Variants in CCDC3 observed in about 807,000 individuals in gnomAD.
CCDC3 encodes coiled-coil domain containing 3, also known as coiled-coil domain-containing protein 3.
A neutral mutation model predicts 21.4 loss-of-function variants in CCDC3; 24 were observed. The observed-to-expected ratio is 1.12, with a 90% CI of 0.81 to 1.58. The LOEUF (loss-of-function observed/expected upper bound fraction) is 1.58, where lower values mean the gene tolerates loss of function less well. Among genes scored for constraint, CCDC3 ranks in the 40% most tolerant of loss-of-function variants. The probability of loss-of-function intolerance (pLI) is 0.00; values close to 1 mark genes in which losing one functional copy is unlikely to be tolerated. For missense variants in CCDC3, 425 were observed against 360.9 expected, an observed-to-expected ratio of 1.18 and a Z score of -1.44; for synonymous variants, 186 against 166.0, an observed-to-expected ratio of 1.12 and a Z score of -0.93.
intron 4 of CCDC3, among the ~76,000 whole-genome samples, chr10:13,054,445 C>A (rs755478586): frequency 6.6e-6 from 1 of 152,148 alleles, no homozygotes; most frequent in African/African-American, 2.4e-5. Flanking sequence ...TCCAAAAACT[C>A]GCTGTTTGTT....
chr10:12,990,792 C>T (rs1253453775), intron 2 of CCDC3, among the ~76,000 whole-genome samples: 4 of 152,096 alleles, frequency 2.6e-5, no homozygotes, highest in Admixed American at 2.0e-4. Context: ...ATGGTCAATG[C>T]GTCATGTTAT....
At chr10:13,091,077 C>T (rs1376389500) in intron 3 of CCDC3, among the ~76,000 whole-genome samples, 1 of 151,980 alleles carries the variant, frequency 6.6e-6, no homozygotes, top group Non-Finnish European at 1.5e-5. Context: ...GTCTGGAAGA[C>T]TCAGCAAGTC....
intron 2 of CCDC3, among the ~76,000 whole-genome samples, chr10:12,910,611 A>AAAT (rs1554753179): frequency 0.13 from 13,281 of 105,298 alleles, 1,205 homozygotes; most frequent in Non-Finnish European, 0.19. Flanking sequence ...AAAAAAAAAA[A>AAAT]TTTTTTTTTT....
At chr10:13,081,957 G>C (rs1313826801) in intron 3 of CCDC3, among the ~76,000 whole-genome samples, 1 of 152,206 alleles carries the variant, frequency 6.6e-6, no homozygotes, top group Non-Finnish European at 1.5e-5. Flanking sequence ...ACAGTGAACT[G>C]TGCCAAACTC....
chr10:13,074,285 G>A (rs1372680389), intron 3 of CCDC3, among the ~76,000 whole-genome samples: 1 of 144,362 alleles, frequency 6.9e-6, no homozygotes, highest in African/African-American at 2.6e-5. Flanking sequence ...AGCCTCCCGA[G>A]TAGCTGGGAT....
At chr10:13,093,256 G>T (rs61672764) in intron 3 of CCDC3, among the ~76,000 whole-genome samples, 1 of 152,028 alleles carries the variant, frequency 6.6e-6, no homozygotes, top group South Asian at 2.1e-4. Flanking sequence ...CTTACATGGC[G>T]GCAGGCAAGA....
intron 4 of CCDC3, among the ~76,000 whole-genome samples, chr10:13,067,889 G>C (rs1039072872): frequency 7.8e-6 from 1 of 127,628 alleles, no homozygotes; most frequent in Non-Finnish European, 2.0e-5. Context: ...GGATATCCAA[G>C]TTATAAGTAT....
intron 2 of CCDC3, among the ~76,000 whole-genome samples, chr10:12,958,421 C>G (rs1037618636): frequency 2.8e-4 from 43 of 152,164 alleles, no homozygotes; most frequent in African/African-American, 9.9e-4. Context: ...CCCATGCCAC[C>G]TGGGCTTCCT....
At chr10:12,940,206 C>T (rs1466708996) in intron 2 of CCDC3, among the ~76,000 whole-genome samples, 1 of 147,948 alleles carries the variant, frequency 6.8e-6, no homozygotes, top group East Asian at 2.0e-4. Context: ...AAGAAGGCAT[C>T]TGGAGAAAGA....
chr10:12,977,306 G>T (rs4750293), intron 2 of CCDC3, among the ~76,000 whole-genome samples: 79,345 of 151,372 alleles, frequency 0.52, 20,798 homozygotes, highest in South Asian at 0.58. Flanking sequence ...AAGGAAAGGG[G>T]AAAGGAAAGG....
At chr10:12,925,019 T>G (rs1251606702) in intron 2 of CCDC3, among the ~76,000 whole-genome samples, 1 of 152,132 alleles carries the variant, frequency 6.6e-6, no homozygotes, top group African/African-American at 2.4e-5. Flanking sequence ...GGACAGTAGA[T>G]TTAACCTGAA....
chr10:12,926,112 A>G (rs1015765853), intron 2 of CCDC3, among the ~76,000 whole-genome samples: 1 of 152,254 alleles, frequency 6.6e-6, no homozygotes, highest in Admixed American at 6.5e-5. Flanking sequence ...AGGGACTGGA[A>G]TACTGGGAAG....
intron 5 of CCDC3, among the ~76,000 whole-genome samples, chr10:13,021,157 G>A (rs1043943421): frequency 6.6e-6 from 1 of 152,080 alleles, no homozygotes; most frequent in Non-Finnish European, 1.5e-5. Flanking sequence ...TGTTCTACTC[G>A]GCATTTGCAA....
At chr10:12,911,303 G>T (rs10737064) in intron 2 of CCDC3, among the ~76,000 whole-genome samples, 8 of 152,238 alleles carry the variant, frequency 5.3e-5, no homozygotes, top group Admixed American at 6.5e-5. Flanking sequence ...CTCTATCTCT[G>T]GTTTTTACTG....
intron 2 of CCDC3, among the ~76,000 whole-genome samples, chr10:12,922,321 C>G (rs1450146011): frequency 6.6e-6 from 1 of 151,966 alleles, no homozygotes; most frequent in African/African-American, 2.4e-5. Context: ...GAGCTCCCAT[C>G]TGTGCCAGTT....
At chr10:13,088,001 C>T (rs899301777) in intron 3 of CCDC3, among the ~76,000 whole-genome samples, 4 of 152,152 alleles carry the variant, frequency 2.6e-5, no homozygotes, top group South Asian at 2.1e-4. Flanking sequence ...TCTTTGTGTG[C>T]GTTTGAGAAA....
intron 4 of CCDC3, chr10:13,057,902 T>A: frequency 2.0e-6 from 1 of 503,632 alleles, no homozygotes; most frequent in Non-Finnish European, 3.7e-6. Flanking sequence ...AAAACCTTCT[T>A]TCTTGGGCTT....
chr10:13,090,376 C>T (rs1253476519), intron 3 of CCDC3, among the ~76,000 whole-genome samples: 4 of 152,194 alleles, frequency 2.6e-5, no homozygotes, highest in African/African-American at 9.7e-5. Flanking sequence ...GTTTGAGCCA[C>T]CGCACCTGGC....
intron 5 of CCDC3, among the ~76,000 whole-genome samples, chr10:13,022,615 C>T (rs1436602179): frequency 1.3e-5 from 2 of 151,900 alleles, no homozygotes; most frequent in African/African-American, 4.8e-5. Flanking sequence ...TTTCTTTTGC[C>T]CCAACCTAAT....
Sources: gnomAD v4.1 joint callset for allele counts (sites outside exome capture counted in the v4.1 genomes callset) on GRCh38, gnomAD v4.1.1 for gene constraint, MANE v1.5 for transcripts, NCBI Gene and HGNC (gene_info 2026-07-23, HGNC 2026-07-21) for gene names.